Variants in PRKCA observed in about 807,000 individuals in gnomAD.
PRKCA encodes the protein protein kinase C alpha, also known as protein kinase C alpha type.
A neutral mutation model predicts 87.0 loss-of-function variants in PRKCA; 27 were observed. The observed-to-expected ratio is 0.31, with a 90% CI of 0.23 to 0.43. PRKCA has a LOEUF of 0.43. Among genes scored for constraint, PRKCA ranks in the 20% least tolerant of loss-of-function variants. The pLI is 1.00. For synonymous variants in PRKCA, 329 were observed against 311.1 expected (o/e 1.06, Z -0.61); for missense variants, 518 against 852.3 (o/e 0.61, Z 4.88).
intron 8 of PRKCA, chr17:66,703,566 G>A (rs927483338): frequency 1.3e-5 from 2 of 152,148 alleles, no homozygotes; most frequent in African/African-American, 4.8e-5. Flanking sequence ...AGGCCAAGGC[G>A]GGTGGATCAC....
intron 3 of PRKCA, among the ~76,000 whole-genome samples, chr17:66,553,499 C>T (rs1409956715): frequency 1.5e-4 from 23 of 152,182 alleles, no homozygotes; most frequent in Admixed American, 1.5e-3. Context: ...TAACTCTTAT[C>T]CTCTTAAGTG....
At chr17:66,758,004 C>T (rs1239781876) in intron 13 of PRKCA, among the ~76,000 whole-genome samples, 2 of 152,196 alleles carry the variant, frequency 1.3e-5, no homozygotes, top group South Asian at 2.1e-4. Context: ...GGATTACAGG[C>T]GTGAGCCACT....
chr17:66,737,118 C>A (rs1974051180), intron 10 of PRKCA, among the ~76,000 whole-genome samples: 2 of 150,396 alleles, frequency 1.3e-5, no homozygotes. Context: ...TGTGGGAGGC[C>A]AAGGCGGGCA....
At chr17:66,551,286 A>G (rs1343891638) in intron 3 of PRKCA, among the ~76,000 whole-genome samples, 1 of 152,186 alleles carries the variant, frequency 6.6e-6, no homozygotes, top group Non-Finnish European at 1.5e-5. Context: ...GCTTCATAGC[A>G]TCTTTGGGTC....
chr17:66,710,949 A>C (rs1185144475), intron 8 of PRKCA, among the ~76,000 whole-genome samples: 1 of 152,092 alleles, frequency 6.6e-6, no homozygotes, highest in South Asian at 2.1e-4. Flanking sequence ...AGGCTGAGGT[A>C]GGAGAATCAC....
At chr17:66,765,269 C>G (rs1232700631) in intron 13 of PRKCA, among the ~76,000 whole-genome samples, 1 of 151,220 alleles carries the variant, frequency 6.6e-6, no homozygotes, top group Non-Finnish European at 1.5e-5. Flanking sequence ...AAAAATTAGC[C>G]AGGCATAATG....
chr17:66,660,161 G>A (rs758669970), intron 5 of PRKCA, among the ~76,000 whole-genome samples: 9 of 151,984 alleles, frequency 5.9e-5, no homozygotes, highest in Non-Finnish European at 1.2e-4. Context: ...GGGTACAAAA[G>A]CATCGAAGGG....
chr17:66,382,104 G>T (rs967151401), intron 2 of PRKCA, among the ~76,000 whole-genome samples: 3 of 152,108 alleles, frequency 2.0e-5, no homozygotes, highest in African/African-American at 4.8e-5. Context: ...GGCAAGGAAG[G>T]TTATCCTGGG....
chr17:66,392,379 C>T (rs1055861239), intron 2 of PRKCA, among the ~76,000 whole-genome samples: 7 of 152,032 alleles, frequency 4.6e-5, no homozygotes, highest in East Asian at 1.9e-4. Context: ...GCATAGATAC[C>T]GGTTTACAGT....
intron 2 of PRKCA, among the ~76,000 whole-genome samples, chr17:66,489,429 A>G (rs1916135062): frequency 6.8e-6 from 1 of 147,024 alleles, no homozygotes. Context: ...AATCCGTGTT[A>G]GATGTAAATA....
rs1454488571 is a variant in PRKCA, at chr17:66,347,893, T to G, written c.205+41766T>G. ...CTCAAGACAGCCCTCATCCCTGGAGTGTAGCCAAATGCTTTATGTGTCAGA... is the reference window on the plus strand; with the variant it reads ...CTCAAGACAGCCCTCATCCCTGGAGGGTAGCCAAATGCTTTATGTGTCAGA... On this transcript the variant is annotated intron_variant, in intron 2 of 16. Transcript: ENST00000413366. 2.0e-5 allele frequency among the ~76,000 whole-genome samples: 3 copies of G among 150,292 alleles called. No individual in the cohort carries two copies. In the Admixed American group the frequency reaches 2.0e-4, roughly 10 times the overall value.
At chr17:66,777,914 TG>T (rs1975098445) in intron 14 of PRKCA, 2 of 985,258 alleles carry the variant, frequency 2.0e-6, no homozygotes, top group African/African-American at 3.5e-5. Flanking sequence ...CAAGCCTTCC[TG>T]GGATCTCATT....
At chr17:66,595,385 C>T (rs938008983) in intron 3 of PRKCA, among the ~76,000 whole-genome samples, 2 of 151,900 alleles carry the variant, frequency 1.3e-5, no homozygotes, top group Non-Finnish European at 2.9e-5. Context: ...AGGGCCCATC[C>T]TAAATTCTAG....
intron 2 of PRKCA, among the ~76,000 whole-genome samples, chr17:66,361,964 T>C (rs922968114): frequency 6.6e-6 from 1 of 152,228 alleles, no homozygotes; most frequent in Non-Finnish European, 1.5e-5. Context: ...TGGTATCATC[T>C]AGTGACAATT....
In PRKCA at chr17:66,487,349, A is replaced by G. The variant is rs150565216; in HGVS notation, c.206-8852A>G. On this transcript the variant is annotated intron_variant, in intron 2 of 16. Transcript: ENST00000413366. ...TTTTCATGTTGCTGCAAATGATAGG[A>G]TTTCATTCTTTTTTATGGTTGAATA... Among the ~76,000 whole-genome samples, 355 of 152,184 alleles carry G rather than the reference A, an allele frequency of 2.3e-3. 4 individuals carry two copies. Among genetic ancestry groups the G allele is most frequent in the Non-Finnish European group, 2.0e-3 (138 of 68,002 alleles).
chr17:66,741,713 C>A lies in PRKCA; in HGVS notation c.1377C>A (p.Ile459=), dbSNP rs1376561697. 2 of 1,613,980 alleles carry A rather than the reference C, an allele frequency of 1.2e-6. No homozygotes were observed. Among genetic ancestry groups the A allele is most frequent in the African/African-American group, 2.7e-5 (2 of 74,914 alleles). Residue 459 remains isoleucine (I), a synonymous_variant, in exon 12 of 17, where the codon ATC becomes ATA. Transcript: ENST00000413366. ...TGTTCTTTCTTCATAAAAGAGGAATCATTTATAGGTGTGTATTGAAGCCCT... is the reference window on the plus strand; with the variant it reads ...TGTTCTTTCTTCATAAAAGAGGAATAATTTATAGGTGTGTATTGAAGCCCT... The part of the protein sequence containing the change: ...IGLFFLHKRG[I]IYRDLKLDNV...
chr17:66,339,184 T>G (rs535293919), intron 2 of PRKCA, among the ~76,000 whole-genome samples: 3 of 152,342 alleles, frequency 2.0e-5, no homozygotes, highest in Admixed American at 2.0e-4. Context: ...GGAAGCTGAC[T>G]TGCAACACTG....
At chr17:66,554,540 G>A (rs1310480142) in intron 3 of PRKCA, 1 of 965,160 alleles carries the variant, frequency 1.0e-6, no homozygotes, top group Non-Finnish European at 1.2e-6. Flanking sequence ...TGTATTGCTA[G>A]TCTGCCTCTA....
At chr17:66,710,247 G>A (rs749430394) in intron 8 of PRKCA, among the ~76,000 whole-genome samples, 9 of 151,898 alleles carry the variant, frequency 5.9e-5, no homozygotes, top group Non-Finnish European at 1.3e-4. Flanking sequence ...AAGGTTCACC[G>A]CACCTTCTCT....
Sources: gnomAD v4.1 joint callset for allele counts (sites outside exome capture counted in the v4.1 genomes callset) on GRCh38, gnomAD v4.1.1 for gene constraint, MANE v1.5 for transcripts, NCBI Gene and HGNC (gene_info 2026-07-23, HGNC 2026-07-21) for gene names.